UBE2L3: variants seen among roughly 807,000 people sequenced by gnomAD.
The protein encoded by UBE2L3 is ubiquitin-conjugating enzyme E2 L3.
In UBE2L3, 1 loss-of-function variant was observed where a neutral mutation model predicts 17.8. The observed-to-expected ratio is 0.06, with a 90% CI of 0.02 to 0.27. UBE2L3 has a LOEUF of 0.27. UBE2L3 is among the 10% of genes least tolerant of loss of function. UBE2L3 has a pLI of 1.00. For missense variants in UBE2L3, 40 were observed against 192.6 expected, an observed-to-expected ratio of 0.21 and a Z score of 4.69; for synonymous variants, 44 against 68.5, an observed-to-expected ratio of 0.64 and a Z score of 1.76.
At chr22:21,588,402 CT>C (rs1427784210) in intron 1 of UBE2L3, among the ~76,000 whole-genome samples, 1 of 150,866 alleles carries the variant, frequency 6.6e-6, no homozygotes, top group Non-Finnish European at 1.5e-5. Context: ...GTCATCTGGC[CT>C]TTTGAGTCTC....
chr22:21,559,288 C>T (rs1926346626), intron 1 of UBE2L3, among the ~76,000 whole-genome samples: 2 of 151,868 alleles, frequency 1.3e-5, no homozygotes, highest in African/African-American at 4.9e-5. Context: ...GTGGAGGTTA[C>T]AGTGAGCTGA....
intron 2 of UBE2L3, among the ~76,000 whole-genome samples, chr22:21,606,335 T>G (rs1929168986): frequency 6.6e-6 from 1 of 151,872 alleles, no homozygotes; most frequent in African/African-American, 2.4e-5. Flanking sequence ...GTGTGTGGTG[T>G]GTGTGTGTGT....
In UBE2L3 at chr22:21,623,676, G is replaced by A. The variant is rs1378707877; in HGVS notation, c.*2007G>A. On this transcript the variant is annotated 3_prime_UTR_variant, in exon 4 of 4. Transcript: ENST00000342192. The stretch of plus-strand genomic sequence containing the variant: ...CTCAGGGACTCTCAGCCCTGGCACT[G>A]GCACCCCAGGGTTGGCCCCGTCAGC... 1 of 152,898 alleles carries A rather than the reference G, an allele frequency of 6.5e-6. No individual in the cohort carries two copies. The highest frequency in any genetic ancestry group is 6.5e-5 in the Admixed American group (1 of 15,284). 9.5% of individuals were successfully genotyped at this position (152,898 alleles called of 1,614,324 possible). A position where few individuals can be genotyped will look rare whatever the true frequency, so the allele number is the denominator to read the frequency against.
chr22:21,567,966 G>T, intron 1 of UBE2L3, 195 bp downstream of exon 1: 1 of 1,375,934 alleles, frequency 7.3e-7, no homozygotes, highest in Non-Finnish European at 9.4e-7. Flanking sequence ...GGGAGCGCAA[G>T]GCCGCGCTGG....
chr22:21,609,702 A>G (rs139948685), intron 2 of UBE2L3, among the ~76,000 whole-genome samples: 58 of 152,150 alleles, frequency 3.8e-4, no homozygotes, highest in Middle Eastern at 6.8e-3. Flanking sequence ...GACCCTGTCA[A>G]AAATAAATAA....
chr22:21,571,980 G>T (rs186702401), intron 1 of UBE2L3, among the ~76,000 whole-genome samples: 179 of 152,274 alleles, frequency 1.2e-3, no homozygotes, highest in African/African-American at 3.6e-3. Flanking sequence ...TGTGAATTGA[G>T]AAAAACGTTG....
rs140497 is a variant in UBE2L3, at chr22:21,572,422, CAAAAAAA to C, written c.27+4664_27+4670del. Among the ~76,000 whole-genome samples, 130 of 104,770 alleles carry C rather than the reference CAAAAAAA, an allele frequency of 1.2e-3. 1 individual carries two copies. Among genetic ancestry groups the C allele is most frequent in the African/African-American group, 4.8e-3 (125 of 26,034 alleles). 68.7% of individuals were successfully genotyped at this position (104,770 alleles called of 152,430 possible). A position where few individuals can be genotyped will look rare whatever the true frequency, so the allele number is the denominator to read the frequency against. ...TGCATTCCAGTGCGAGACTCCGTCTCAAAAAAAAAAAAAAAAAAAGAAAACCCTGAGA... is the reference window on the plus strand; with the variant it reads ...TGCATTCCAGTGCGAGACTCCGTCTCAAAAAAAAAAAAGAAAACCCTGAGA... On this transcript the variant is annotated intron_variant, in intron 1 of 3. Transcript: ENST00000342192.
In UBE2L3 at chr22:21,591,328, A is replaced by G. The variant is rs889373416; in HGVS notation, c.28-1533A>G. Among the ~76,000 whole-genome samples the G allele has an allele frequency of 3.9e-4, 59 of 152,186 alleles. 1 individual carries two copies. The highest frequency in any genetic ancestry group is 1.3e-4 in the Admixed American group (2 of 15,280). On this transcript the variant is annotated intron_variant, in intron 1 of 3. Coordinates refer to ENST00000342192, the MANE Select transcript of UBE2L3 (RefSeq NM_003347.4). ...AAATCCCTATGTTCAGGCTCCACCCACACTTGCTGGACCAGAATTTCTGGG... is the reference window on the plus strand; with the variant it reads ...AAATCCCTATGTTCAGGCTCCACCCGCACTTGCTGGACCAGAATTTCTGGG...
chr22:21,613,485 G>T (rs1009188675), intron 3 of UBE2L3, among the ~76,000 whole-genome samples: 5 of 152,216 alleles, frequency 3.3e-5, no homozygotes, highest in Non-Finnish European at 7.3e-5. Context: ...ATTTGGGACA[G>T]TTGAGGATTC....
chr22:21,559,205 G>A (rs543805828), intron 1 of UBE2L3, among the ~76,000 whole-genome samples: 22 of 152,304 alleles, frequency 1.4e-4, no homozygotes, highest in South Asian at 6.2e-4. Flanking sequence ...AAAATTAGCC[G>A]GACGTGGTGG....
intron 3 of UBE2L3, among the ~76,000 whole-genome samples, chr22:21,617,159 A>AG (rs1293570518): frequency 3.3e-5 from 5 of 151,838 alleles, no homozygotes; most frequent in East Asian, 1.9e-4. Flanking sequence ...AAAAAAAAAA[A>AG]AAAAGAAAAG....
intron 1 of UBE2L3, among the ~76,000 whole-genome samples, chr22:21,552,978 G>A (rs1345735897): frequency 2.0e-5 from 1 of 50,348 alleles, no homozygotes; most frequent in African/African-American, 1.4e-4. Flanking sequence ...TGCCCGCCTC[G>A]GCCTCACAAA....
chr22:21,606,672 A>G (rs980472153), intron 2 of UBE2L3, among the ~76,000 whole-genome samples: 1 of 152,152 alleles, frequency 6.6e-6, no homozygotes, highest in Non-Finnish European at 1.5e-5. Flanking sequence ...CAACATAGTG[A>G]GACGCCATCA....
intron 1 of UBE2L3, among the ~76,000 whole-genome samples, chr22:21,574,175 C>A (rs1427553568): frequency 1.3e-5 from 2 of 152,160 alleles, no homozygotes; most frequent in Non-Finnish European, 2.9e-5. Flanking sequence ...CCAAGCCCCC[C>A]ACCCCTATAA....
intron 2 of UBE2L3, among the ~76,000 whole-genome samples, chr22:21,603,803 C>G (rs1455708870): frequency 1.3e-5 from 2 of 150,464 alleles, no homozygotes; most frequent in Non-Finnish European, 2.9e-5. Flanking sequence ...CGCCACTGCA[C>G]TCCAGCCTGG....
At chr22:21,565,079 C>T (rs1926579846), upstream of UBE2L3, among the ~76,000 whole-genome samples, 1 of 151,792 alleles carries the variant, frequency 6.6e-6, no homozygotes, top group South Asian at 2.1e-4. Flanking sequence ...AGCCTTATTC[C>T]AGGATATATA....
At chr22:21,567,980 C>T in intron 1 of UBE2L3, 4 of 1,367,354 alleles carry the variant, frequency 2.9e-6, no homozygotes, top group Non-Finnish European at 3.8e-6. Flanking sequence ...GCGCTGGGAG[C>T]CGCTGTCGGC....
intron 3 of UBE2L3, among the ~76,000 whole-genome samples, chr22:21,618,307 T>C (rs1382640777): frequency 6.6e-6 from 1 of 151,932 alleles, no homozygotes; most frequent in Non-Finnish European, 1.5e-5. Context: ...GGCTCACGCC[T>C]GTAATCCAGC....
At chr22:21,551,975 A>ACAC (rs1926082889) in intron 1 of UBE2L3, among the ~76,000 whole-genome samples, 2 of 122,432 alleles carry the variant, frequency 1.6e-5, no homozygotes, top group Admixed American at 8.6e-5. Context: ...ATACATACAC[A>ACAC]CACTGAACTG....
Sources: gnomAD v4.1 joint callset for allele counts (sites outside exome capture counted in the v4.1 genomes callset) on GRCh38, gnomAD v4.1.1 for gene constraint, MANE v1.5 for transcripts, NCBI Gene and HGNC (gene_info 2026-07-23, HGNC 2026-07-21) for gene names.